CYTH3: variants seen among roughly 807,000 people sequenced by gnomAD.
CYTH3 encodes cytohesin-3.
CYTH3 carries 23 observed loss-of-function variants against 55.1 expected under a neutral mutation model. That is an observed-to-expected ratio of 0.42 (90% CI 0.30 to 0.59). CYTH3 has a LOEUF of 0.59. Among genes scored for constraint, CYTH3 ranks in the 20% least tolerant of loss-of-function variants. The pLI, the probability that CYTH3 is intolerant of heterozygous loss-of-function variation, is 0.20. For synonymous variants in CYTH3, 249 were observed against 194.9 expected (o/e 1.28, Z -2.31); for missense variants, 413 against 524.8 (o/e 0.79, Z 2.08).
intron 1 of CYTH3, among the ~76,000 whole-genome samples, chr7:6,220,602 G>A (rs559950573): frequency 2.0e-5 from 3 of 149,746 alleles, no homozygotes; most frequent in African/African-American, 7.4e-5. Flanking sequence ...AAAACCAAAG[G>A]CTGGCAAAGA....
intron 12 of CYTH3, 117 bp from the exon 13 acceptor site, chr7:6,165,133 T>A (rs1782951124): frequency 6.4e-7 from 1 of 1,565,226 alleles, no homozygotes; most frequent in South Asian, 1.1e-5. Context: ...GAACGTCGGC[T>A]TTGGCAGCCC....
At chr7:6,175,099 G>A (rs1321627049) in intron 5 of CYTH3, among the ~76,000 whole-genome samples, 4 of 152,212 alleles carry the variant, frequency 2.6e-5, no homozygotes, top group Admixed American at 1.3e-4. Flanking sequence ...GATTATATAA[G>A]GAGAAATATA....
At chr7:6,196,974 T>A in intron 1 of CYTH3, among the ~76,000 whole-genome samples, 1 of 152,180 alleles carries the variant, frequency 6.6e-6, no homozygotes, top group East Asian at 1.9e-4. Flanking sequence ...GGCATACATT[T>A]CTGTTTCCTT....
At chr7:6,237,411 C>A (rs1427763483) in intron 1 of CYTH3, among the ~76,000 whole-genome samples, 6 of 152,108 alleles carry the variant, frequency 3.9e-5, no homozygotes, top group Non-Finnish European at 8.8e-5. Flanking sequence ...CATCTGATTT[C>A]TATTAAAAAC....
At chr7:6,226,877 G>C (rs534242100) in intron 1 of CYTH3, among the ~76,000 whole-genome samples, 3 of 152,040 alleles carry the variant, frequency 2.0e-5, no homozygotes, top group Non-Finnish European at 4.4e-5. Context: ...TCAGGAGATC[G>C]AGACCATCCT....
intron 4 of CYTH3, among the ~76,000 whole-genome samples, chr7:6,179,694 A>C (rs1583749235): frequency 3.3e-5 from 2 of 59,866 alleles, no homozygotes; most frequent in Admixed American, 2.2e-4. Flanking sequence ...ACCCCCCCAC[A>C]CACACACCCC....
intron 4 of CYTH3, 124 bp from the exon 5 acceptor site, chr7:6,178,065 A>C (rs1327732356): frequency 2.9e-6 from 2 of 678,216 alleles, no homozygotes; most frequent in Non-Finnish European, 5.1e-6. Flanking sequence ...TACCAGAGAC[A>C]CCCATACAAC....
In CYTH3 at chr7:6,192,869, C is replaced by T. The variant is rs553631443; in HGVS notation, c.35-2338G>A. Reference sequence around the variant, plus strand: ...TTTTAAAAGACATAACAACTCCGTGCTTAGAAAATGGGCAAATGGGGCCAG... The same window carrying T: ...TTTTAAAAGACATAACAACTCCGTGTTTAGAAAATGGGCAAATGGGGCCAG... On this transcript the variant is annotated intron_variant, in intron 1 of 12. Coordinates refer to ENST00000350796, the MANE Select transcript of CYTH3 (RefSeq NM_004227.4). Among the ~76,000 whole-genome samples the T allele has an allele frequency of 2.6e-5, 4 of 152,030 alleles. No individual in the cohort carries two copies. The South Asian group carries it at 8.3e-4, about 32-fold the overall frequency.
chr7:6,245,021 G>A (rs937386786), intron 1 of CYTH3, among the ~76,000 whole-genome samples: 1 of 119,904 alleles, frequency 8.3e-6, no homozygotes, highest in African/African-American at 3.3e-5. Flanking sequence ...ATGGTTTCCC[G>A]TGTCAGGCAG....
In CYTH3 at chr7:6,162,529, A is replaced by C. The variant is rs1782866227; in HGVS notation, c.*2415T>G. On this transcript the variant is annotated 3_prime_UTR_variant, in exon 13 of 13. Coordinates refer to ENST00000350796, the MANE Select transcript of CYTH3 (RefSeq NM_004227.4). ...GTCCTGGTAGCGGCTGGCCCTGCGC[A>C]GTCACTGACCCAGAGTTTTCTGGAC... The C allele has an allele frequency of 6.6e-6, 1 of 152,230 alleles. No individual in the cohort carries two copies. The highest frequency in any genetic ancestry group is 6.5e-5 in the Admixed American group (1 of 15,276). The allele number at this position is 152,230 out of a possible 1,614,324, so 9.4% of individuals were successfully genotyped here. A position where few individuals can be genotyped will look rare whatever the true frequency, so the allele number is the denominator to read the frequency against.
intron 2 of CYTH3, 141 bp downstream of exon 2, chr7:6,190,308 A>G (rs1783768121): frequency 1.2e-6 from 1 of 803,012 alleles, no homozygotes; most frequent in Non-Finnish European, 1.9e-6. Flanking sequence ...ATATGCACAC[A>G]CTAAACATCT....
chr7:6,269,325 T>C (rs1200560923), intron 1 of CYTH3, among the ~76,000 whole-genome samples: 2 of 152,342 alleles, frequency 1.3e-5, no homozygotes, highest in East Asian at 3.9e-4. Flanking sequence ...TTGGGGGTTA[T>C]CACCTGTCTG....
intron 2 of CYTH3, 147 bp downstream of exon 2, chr7:6,190,302 G>T: frequency 1.4e-6 from 1 of 729,828 alleles, no homozygotes; most frequent in Non-Finnish European, 2.1e-6. Context: ...GTTCTTATAT[G>T]CACACACTAA....
rs922473196 is a variant in CYTH3 at position 6,272,600 on chromosome 7, G to A, written c.-93C>T. ...GCCGGAGGGAGCGCGCAGGCGACCG[G>A]GCGGCTCCTCAGCGCGCGGCCCGGG... On this transcript the variant is annotated 5_prime_UTR_variant, in exon 1 of 13. Transcript: ENST00000350796. The A allele has an allele frequency of 9.8e-6, 10 of 1,016,530 alleles. No homozygotes were observed. The South Asian group carries it at 1.4e-4, about 14-fold the overall frequency. 63.0% of individuals were successfully genotyped at this position (1,016,530 alleles called of 1,614,324 possible). A position where few individuals can be genotyped will look rare whatever the true frequency, so the allele number is the denominator to read the frequency against.
chr7:6,207,349 C>T (rs1277521758), intron 1 of CYTH3, among the ~76,000 whole-genome samples: 1 of 152,154 alleles, frequency 6.6e-6, no homozygotes, highest in African/African-American at 2.4e-5. Flanking sequence ...TTGCCTCAGC[C>T]TCCCAAAGTG....
chr7:6,246,459 CTT>C (rs1258288090), intron 1 of CYTH3, among the ~76,000 whole-genome samples: 1 of 152,096 alleles, frequency 6.6e-6, no homozygotes, highest in African/African-American at 2.4e-5. Context: ...TCAAATTTAT[CTT>C]TTGTTTTCCC....
intron 1 of CYTH3, among the ~76,000 whole-genome samples, chr7:6,194,604 C>A (rs1449603248): frequency 2.0e-5 from 3 of 152,192 alleles, no homozygotes; most frequent in Non-Finnish European, 4.4e-5. Flanking sequence ...ATTTTACTCC[C>A]AGGTATATCA....
chr7:6,226,897 G>A (rs558782589), intron 1 of CYTH3, among the ~76,000 whole-genome samples: 15 of 152,148 alleles, frequency 9.9e-5, no homozygotes, highest in East Asian at 7.8e-4. Context: ...TGGCTAACAC[G>A]GTGAAACCCC....
chr7:6,187,844 G>C (rs1783693202), intron 2 of CYTH3, 123 bp from the exon 3 acceptor site: 1 of 782,764 alleles, frequency 1.3e-6, no homozygotes, highest in Non-Finnish European at 2.3e-6. Context: ...CACAGGGATG[G>C]AAAAACCAAT....
Sources: allele counts gnomAD v4.1 joint callset (sites outside exome capture counted in the v4.1 genomes callset), GRCh38; gene constraint gnomAD v4.1.1; transcripts MANE v1.5; gene names NCBI Gene and HGNC (gene_info 2026-07-23, HGNC 2026-07-21).